Variants in BST1 observed in about 807,000 individuals in gnomAD.
BST1 encodes the protein ADP-ribosyl cyclase/cyclic ADP-ribose hydrolase 2.
A neutral mutation model predicts 40.6 loss-of-function variants in BST1; 49 were observed. The observed-to-expected ratio is 1.21, with a 90% CI of 0.96 to 1.53. The LOEUF (loss-of-function observed/expected upper bound fraction) is 1.53, where lower values mean the gene tolerates loss of function less well. BST1 is among the 40% of genes most tolerant of loss of function. The pLI, the probability that BST1 is intolerant of heterozygous loss-of-function variation, is 0.00. For missense variants in BST1, 423 were observed against 395.9 expected, an observed-to-expected ratio of 1.07 and a Z score of -0.58; for synonymous variants, 157 against 159.3, an observed-to-expected ratio of 0.99 and a Z score of 0.11.
chr4:15,703,630 G>A (rs1197610094), intron 1 of BST1, among the ~76,000 whole-genome samples: 2 of 128,132 alleles, frequency 1.6e-5, no homozygotes, highest in African/African-American at 2.8e-5. Context: ...TAGAGGTGAG[G>A]GGGGTGTGTG....
rs747168051 is a variant in BST1, at chr4:15,703,115, G to T, written c.-30G>T. 3 of 1,554,496 alleles carry T rather than the reference G, an allele frequency of 1.9e-6. No individual in the cohort carries two copies. Among genetic ancestry groups the T allele is most frequent in the Admixed American group, 2.0e-5 (1 of 51,272 alleles). ...GAAGGAGAGAAGGGGAGTGGAGGAA[G>T]CACGGGACTGGAGGGACCAAAGTTC... is the stretch of plus-strand genomic sequence containing the variant. On this transcript the variant is annotated 5_prime_UTR_variant, in exon 1 of 9. Coordinates refer to ENST00000265016, the MANE Select transcript of BST1 (RefSeq NM_004334.3).
downstream of BST1, chr4:15,735,987 G>C: frequency 3.0e-6 from 3 of 1,001,536 alleles, no homozygotes; most frequent in Non-Finnish European, 4.1e-6. Context: ...AATCTCATCT[G>C]TCATACTGCA....
At chr4:15,737,042 T>G (rs2148899880), downstream of BST1, among the ~76,000 whole-genome samples, 1 of 152,338 alleles carries the variant, frequency 6.6e-6, no homozygotes, top group East Asian at 1.9e-4. Flanking sequence ...TTGCTCGCTG[T>G]GTAGCCTTGG....
At position 15,703,150 on chromosome 4, in the gene BST1, G is replaced by C. The variant is rs764396666; in HGVS notation, c.6G>C (p.Ala2=). ...GGAGGGACCAAAGTTCCCCGATGGC[G>C]GCCCAGGGGTGCGCGGCATCGCGGC... The part of the protein sequence containing the change: M[A]AQGCAASRLL... The change falls in exon 1 of 9, where the codon GCG becomes GCC. Residue 2 remains alanine, a synonymous_variant. Transcript: ENST00000265016. 3.2e-6 allele frequency: 5 copies of C among 1,577,552 alleles called. No homozygotes were observed. The Admixed American group carries it at 7.3e-5, about 23-fold the overall frequency.
the BST1 span, among the ~76,000 whole-genome samples, chr4:15,749,174 G>A: frequency 6.6e-6 from 1 of 152,170 alleles, no homozygotes; most frequent in Non-Finnish European, 1.5e-5. Context: ...ATTAATTCCT[G>A]ACACTTCCAG....
the BST1 span, among the ~76,000 whole-genome samples, chr4:15,758,367 G>T: frequency 6.6e-6 from 1 of 152,024 alleles, no homozygotes; most frequent in Non-Finnish European, 1.5e-5. Context: ...TCAATATTTA[G>T]CTTTCACTTA....
At chr4:15,764,058 T>C in the BST1 span, among the ~76,000 whole-genome samples, 910 of 152,064 alleles carry the variant, frequency 6.0e-3, 21 homozygotes, top group African/African-American at 0.021. Context: ...GGGCTTTGGG[T>C]GATAATGAGA....
the BST1 span, among the ~76,000 whole-genome samples, chr4:15,750,631 A>C: frequency 6.6e-6 from 1 of 152,338 alleles, no homozygotes; most frequent in South Asian, 2.1e-4. Flanking sequence ...AGTGCCAACT[A>C]AGATGGGCTG....
At chr4:15,744,486 G>A in the BST1 span, among the ~76,000 whole-genome samples, 16 of 152,220 alleles carry the variant, frequency 1.1e-4, no homozygotes, top group African/African-American at 3.6e-4. Context: ...GGGGGAAACC[G>A]CCCCCATAAT....
Position 15,714,012 on chromosome 4 carries a change from A to AT in BST1, c.535-1263dup, listed in dbSNP as rs368657775. 6.2e-3 allele frequency among the ~76,000 whole-genome samples: 923 copies of AT among 148,690 alleles called. 14 individuals carry two copies. The highest frequency in any genetic ancestry group is 0.021 in the African/African-American group (840 of 40,526). ...AGCCACAGCGCCTGACTCTGCACAC[A>AT]TTTTTTTTTTAATATTTTTTTCTTT... is the stretch of plus-strand genomic sequence containing the variant. On this transcript the variant is annotated intron_variant, in intron 4 of 8. Coordinates refer to ENST00000265016, the MANE Select transcript of BST1 (RefSeq NM_004334.3).
intron 1 of BST1, among the ~76,000 whole-genome samples, chr4:15,704,065 G>A (rs1719732774): frequency 6.7e-6 from 1 of 148,384 alleles, no homozygotes; most frequent in South Asian, 2.2e-4. Context: ...GTGTTCTAGA[G>A]GTGAGGGGTG....
At chr4:15,736,267 T>C (rs4613561), downstream of BST1, 127,488 of 433,840 alleles carry the variant, frequency 0.29, 23,493 homozygotes, top group African/African-American at 0.65. Flanking sequence ...ATCGTCCTCT[T>C]GCTCAAAATC....
chr4:15,715,583 A>G, intron 5 of BST1, 124 bp from the exon 6 acceptor site: 9 of 858,532 alleles, frequency 1.0e-5, no homozygotes, highest in Non-Finnish European at 1.4e-5. Context: ...ACCTAAAAAT[A>G]AAAGCTAAAG....
rs768922734 is a variant in BST1, at chr4:15,707,512, C to T, written c.317C>T (p.Ser106Phe). Residue 106 changes from serine to phenylalanine, a missense_variant and splice_region_variant, in exon 3 of 9, where the codon TCC becomes TTC. Ser to Phe is a radical substitution (Grantham distance 155). Transcript: ENST00000265016. The part of the protein sequence containing the change: ...LSRHSIPRDK[S>F]LFWENSHLLV... ...GATGTTTTGTTTGTCTTTCCTTAGT[C>T]CCTGTTCTGGGAAAATAGCCACCTC... 3.7e-6 allele frequency: 6 copies of T among 1,609,014 alleles called. No individual in the cohort carries two copies. Among genetic ancestry groups the T allele is most frequent in the Non-Finnish European group, 5.1e-6 (6 of 1,177,200 alleles).
chr4:15,751,016 C>T, the BST1 span, among the ~76,000 whole-genome samples: 4 of 152,098 alleles, frequency 2.6e-5, no homozygotes, highest in African/African-American at 9.7e-5. Flanking sequence ...TAGCTCTCAG[C>T]CTAGTGTTTG....
intron 8 of BST1, among the ~76,000 whole-genome samples, chr4:15,723,198 C>T (rs1411747238): frequency 6.6e-6 from 1 of 152,170 alleles, no homozygotes; most frequent in Non-Finnish European, 1.5e-5. Flanking sequence ...ATACTTCTGT[C>T]CTAGTCTGTT....
the BST1 span, among the ~76,000 whole-genome samples, chr4:15,762,583 T>C: frequency 6.6e-6 from 1 of 152,058 alleles, no homozygotes; most frequent in Non-Finnish European, 1.5e-5. Context: ...TTTTGACCAT[T>C]TCACCATTTC....
chr4:15,706,500 C>T (rs1719888049), intron 2 of BST1, among the ~76,000 whole-genome samples: 1 of 152,234 alleles, frequency 6.6e-6, no homozygotes, highest in Non-Finnish European at 1.5e-5. Context: ...TCTGTATACA[C>T]TCTCAGGTCT....
At chr4:15,719,079 C>T in intron 7 of BST1, 86 bp downstream of exon 7, 2 of 1,163,760 alleles carry the variant, frequency 1.7e-6, no homozygotes, top group African/African-American at 1.6e-5. Context: ...ATTGATGGCT[C>T]TCAGCTCTGA....
Sources: gnomAD v4.1 joint callset for allele counts (sites outside exome capture counted in the v4.1 genomes callset) on GRCh38, gnomAD v4.1.1 for gene constraint, MANE v1.5 for transcripts, NCBI Gene and HGNC (gene_info 2026-07-23, HGNC 2026-07-21) for gene names.